TENM4: variants seen among roughly 807,000 people sequenced by gnomAD.
TENM4 encodes the protein teneurin-4.
Under a neutral mutation model 243.3 loss-of-function variants are expected in TENM4, and 82 were observed. That is an observed-to-expected ratio of 0.34 (90% CI 0.28 to 0.40). TENM4 has a LOEUF of 0.40. TENM4 is among the 10% of genes least tolerant of loss of function. The pLI, the probability that TENM4 is intolerant of heterozygous loss-of-function variation, is 1.00. For synonymous variants in TENM4, 1,412 were observed against 1,456.3 expected (o/e 0.97, Z 0.69); for missense variants, 3,138 against 3,673.3 (o/e 0.85, Z 3.77).
intron 14 of TENM4, among the ~76,000 whole-genome samples, chr11:78,806,282 A>T (rs1486461123): frequency 1.3e-5 from 2 of 152,186 alleles, no homozygotes; most frequent in Non-Finnish European, 1.5e-5. Context: ...CTGGGCAGTG[A>T]GCAAGACTCT....
intron 3 of TENM4, among the ~76,000 whole-genome samples, chr11:79,167,524 A>C (rs937681481): frequency 3.3e-5 from 5 of 152,220 alleles, no homozygotes; most frequent in African/African-American, 1.2e-4. Flanking sequence ...CAGAAAAGTT[A>C]AGAAAATTGC....
At chr11:79,370,588 A>T (rs1857761845) in intron 1 of TENM4, among the ~76,000 whole-genome samples, 1 of 152,092 alleles carries the variant, frequency 6.6e-6, no homozygotes, top group Non-Finnish European at 1.5e-5. Context: ...TTTATCCTCC[A>T]TGTCCATCTG....
intron 9 of TENM4, among the ~76,000 whole-genome samples, chr11:78,887,048 G>A (rs1489426651): frequency 6.6e-6 from 1 of 152,108 alleles, no homozygotes; most frequent in South Asian, 2.1e-4. Flanking sequence ...ATAAAAATCT[G>A]TGTCCTATCA....
At chr11:78,897,544 C>T (rs1423737508) in intron 7 of TENM4, among the ~76,000 whole-genome samples, 1 of 152,198 alleles carries the variant, frequency 6.6e-6, no homozygotes, top group African/African-American at 2.4e-5. Flanking sequence ...CTCTCTACTG[C>T]TGCTCCCAAG....
chr11:78,750,882 T>G (rs1292506089), intron 19 of TENM4, among the ~76,000 whole-genome samples: 4 of 150,250 alleles, frequency 2.7e-5, no homozygotes, highest in African/African-American at 1.0e-4. Flanking sequence ...TGTGTGTGTC[T>G]GTGTGTCTGT....
chr11:78,952,301 T>TG (rs1857123520), intron 6 of TENM4, among the ~76,000 whole-genome samples: 1 of 152,244 alleles, frequency 6.6e-6, no homozygotes, highest in African/African-American at 2.4e-5. Context: ...GAGGCTGTGT[T>TG]GAATCTGCAT....
intron 1 of TENM4, among the ~76,000 whole-genome samples, chr11:79,397,417 C>A (rs1050395591): frequency 1.3e-5 from 2 of 152,184 alleles, no homozygotes; most frequent in African/African-American, 2.4e-5. Context: ...CTGAGTGACT[C>A]AAAGCCTGCC....
intron 2 of TENM4, among the ~76,000 whole-genome samples, chr11:79,275,721 C>T (rs187765507): frequency 8.5e-5 from 13 of 152,322 alleles, no homozygotes; most frequent in Non-Finnish European, 1.0e-4. Context: ...TTCAAGTTTC[C>T]CAAGTCTTGT....
chr11:78,910,059 A>G (rs1856151335), intron 6 of TENM4, among the ~76,000 whole-genome samples: 1 of 152,182 alleles, frequency 6.6e-6, no homozygotes, highest in Non-Finnish European at 1.5e-5. Flanking sequence ...TTATAAGATC[A>G]CATTCATGAG....
chr11:79,107,193 A>G (rs1376646404), intron 4 of TENM4, among the ~76,000 whole-genome samples: 2 of 152,234 alleles, frequency 1.3e-5, no homozygotes, highest in Non-Finnish European at 2.9e-5. Flanking sequence ...TACAGGGTCC[A>G]TATCATAATC....
intron 6 of TENM4, among the ~76,000 whole-genome samples, chr11:79,002,919 T>G (rs111241978): frequency 3.3e-5 from 5 of 151,948 alleles, no homozygotes; most frequent in African/African-American, 1.2e-4. Flanking sequence ...ATACAGGAGA[T>G]GAAAGATAAA....
At chr11:79,345,476 A>G (rs1334300374) in intron 1 of TENM4, among the ~76,000 whole-genome samples, 2 of 152,208 alleles carry the variant, frequency 1.3e-5, no homozygotes, top group African/African-American at 4.8e-5. Flanking sequence ...GACACGTTTC[A>G]CCTATGTAAT....
intron 15 of TENM4, among the ~76,000 whole-genome samples, chr11:78,787,977 C>A (rs1395033337): frequency 6.6e-6 from 1 of 152,204 alleles, no homozygotes; most frequent in Non-Finnish European, 1.5e-5. Flanking sequence ...GTTGAGCAAC[C>A]ATGTCCACTG....
At chr11:78,963,964 C>G (rs1429873839) in intron 6 of TENM4, among the ~76,000 whole-genome samples, 1 of 150,776 alleles carries the variant, frequency 6.6e-6, no homozygotes, top group East Asian at 1.9e-4. Context: ...GTCTCGAACT[C>G]CTGACCTTGT....
rs57053640 is a variant in TENM4, at chr11:79,251,812, GA to G, written c.-264-35904del. The stretch of plus-strand genomic sequence containing the variant: ...ATAAGCAAATAAAACTCGAAAAAAT[GA>G]AAAAAAAACATTATCACTAAAATTA... On this transcript the variant is annotated intron_variant, in intron 2 of 33. Transcript: ENST00000278550. Among the ~76,000 whole-genome samples the G allele has an allele frequency of 6.4e-3, 955 of 148,192 alleles. 15 individuals are homozygous for G. The highest frequency in any genetic ancestry group is 0.023 in the African/African-American group (929 of 40,666).
intron 3 of TENM4, among the ~76,000 whole-genome samples, chr11:79,172,383 A>C (rs1042029847): frequency 1.3e-5 from 2 of 152,156 alleles, no homozygotes; most frequent in African/African-American, 4.8e-5. Flanking sequence ...TCATTCACTT[A>C]TCCATTTATT....
At chr11:78,974,062 G>C (rs1752504193) in intron 6 of TENM4, among the ~76,000 whole-genome samples, 1 of 152,128 alleles carries the variant, frequency 6.6e-6, no homozygotes, top group Admixed American at 6.5e-5. Context: ...AATCAGCCTT[G>C]AGACATTGTC....
intron 1 of TENM4, among the ~76,000 whole-genome samples, chr11:79,406,335 C>A (rs1054399764): frequency 1.3e-5 from 2 of 152,096 alleles, no homozygotes; most frequent in African/African-American, 2.4e-5. Flanking sequence ...GAAAAAAACA[C>A]CATCTTTTCA....
intron 30 of TENM4, among the ~76,000 whole-genome samples, chr11:78,675,802 A>G (rs1235762071): frequency 1.3e-5 from 2 of 152,198 alleles, no homozygotes; most frequent in Non-Finnish European, 2.9e-5. Flanking sequence ...GATGCTTAAT[A>G]TATTACTTCT....
Sources: gnomAD v4.1 joint callset for allele counts (sites outside exome capture counted in the v4.1 genomes callset) on GRCh38, gnomAD v4.1.1 for gene constraint, MANE v1.5 for transcripts, NCBI Gene and HGNC (gene_info 2026-07-23, HGNC 2026-07-21) for gene names.